WWOX: variants seen among roughly 807,000 people sequenced by gnomAD.
WWOX encodes WW domain-containing oxidoreductase.
A neutral mutation model predicts 46.2 loss-of-function variants in WWOX; 69 were observed. That is an observed-to-expected ratio of 1.49 (90% confidence interval 1.23 to 1.82). The LOEUF is 1.82. WWOX is among the 40% of genes most tolerant of loss of function. The probability of loss-of-function intolerance (pLI) is 0.00; values close to 1 mark genes in which losing one functional copy is unlikely to be tolerated. For synonymous variants in WWOX, 359 were observed against 202.6 expected (o/e 1.77, Z -6.56); for missense variants, 919 against 542.6 (o/e 1.69, Z -6.89).
intron 8 of WWOX, among the ~76,000 whole-genome samples, chr16:78,609,469 TAAAAA>T (rs1365465660): frequency 6.7e-6 from 1 of 149,406 alleles, no homozygotes; most frequent in East Asian, 1.9e-4. Flanking sequence ...GCATGTGACT[TAAAAA>T]AGAAAAAAAA....
At chr16:78,365,784 C>A (rs922096978) in intron 5 of WWOX, among the ~76,000 whole-genome samples, 12 of 152,152 alleles carry the variant, frequency 7.9e-5, no homozygotes, top group Admixed American at 1.3e-4. Context: ...GCGTGCCCCT[C>A]CTCTATGGCT....
At chr16:78,503,648 G>C (rs1348530908) in intron 8 of WWOX, 1 of 152,098 alleles carries the variant, frequency 6.6e-6, no homozygotes, top group Admixed American at 6.6e-5. Context: ...ATATTCACAA[G>C]GTGCAAACAC....
At chr16:78,265,922 T>C (rs1351996089) in intron 5 of WWOX, 1 of 152,190 alleles carries the variant, frequency 6.6e-6, no homozygotes, top group Non-Finnish European at 1.5e-5. Flanking sequence ...CAAAACACAT[T>C]GATGAAGTGG....
intron 8 of WWOX, among the ~76,000 whole-genome samples, chr16:78,849,855 C>T (rs2052397817): frequency 6.6e-6 from 1 of 152,146 alleles, no homozygotes; most frequent in Admixed American, 6.5e-5. Flanking sequence ...GTCAGATCAC[C>T]TAAGGTTGGG....
intron 5 of WWOX, among the ~76,000 whole-genome samples, chr16:78,379,022 C>T (rs1022721262): frequency 2.0e-5 from 3 of 152,146 alleles, no homozygotes; most frequent in Admixed American, 6.5e-5. Context: ...GTTGGCAACA[C>T]GTATCTGTGT....
intron 8 of WWOX, among the ~76,000 whole-genome samples, chr16:78,726,120 CCT>C (rs1334368869): frequency 7.3e-6 from 1 of 137,578 alleles, no homozygotes; most frequent in Non-Finnish European, 1.6e-5. Flanking sequence ...TCTCTGCCTC[CCT>C]CTCTCCCTCT....
chr16:78,718,935 C>T (rs115805048), intron 8 of WWOX, among the ~76,000 whole-genome samples: 374 of 152,004 alleles, frequency 2.5e-3, no homozygotes, highest in African/African-American at 8.5e-3. Context: ...GCATCTGGGG[C>T]TCTCTTGAAA....
At chr16:78,757,078 C>T (rs1457530006) in intron 8 of WWOX, 4 of 700,056 alleles carry the variant, frequency 5.7e-6, no homozygotes, top group Non-Finnish European at 1.0e-5. Context: ...TGATTGCAGC[C>T]TTTGCTGCAA....
chr16:78,481,467 A>G (rs1009515570), intron 8 of WWOX, among the ~76,000 whole-genome samples: 2 of 152,092 alleles, frequency 1.3e-5, no homozygotes, highest in African/African-American at 4.8e-5. Context: ...CATGGCATAG[A>G]TGCTGAAGTT....
chr16:78,378,465 A>T (rs917083708), intron 5 of WWOX, among the ~76,000 whole-genome samples: 1 of 152,180 alleles, frequency 6.6e-6, no homozygotes, highest in Non-Finnish European at 1.5e-5. Flanking sequence ...TGAAGATGCG[A>T]TCACCCATTG....
chr16:78,378,520 T>C (rs757973830), intron 5 of WWOX, among the ~76,000 whole-genome samples: 8 of 152,218 alleles, frequency 5.3e-5, no homozygotes, highest in African/African-American at 1.7e-4. Context: ...ATTAGTGTTA[T>C]GAAGTCCCAC....
At chr16:78,448,633 C>G (rs572071051) in intron 8 of WWOX, among the ~76,000 whole-genome samples, 2 of 152,164 alleles carry the variant, frequency 1.3e-5, no homozygotes, top group Non-Finnish European at 2.9e-5. Context: ...CTCACAAATT[C>G]ACAAATCAGC....
At chr16:78,880,180 A>G (rs532986066) in intron 8 of WWOX, among the ~76,000 whole-genome samples, 1 of 152,200 alleles carries the variant, frequency 6.6e-6, no homozygotes, top group Non-Finnish European at 1.5e-5. Flanking sequence ...ATCAGAAAAG[A>G]CAACAGTACC....
At chr16:79,119,224 A>G (rs889461810) in intron 8 of WWOX, among the ~76,000 whole-genome samples, 2 of 152,200 alleles carry the variant, frequency 1.3e-5, no homozygotes, top group African/African-American at 2.4e-5. Flanking sequence ...TATGATAAAC[A>G]AACAAATGGT....
chr16:78,838,906 G>A (rs1191073591), intron 8 of WWOX, among the ~76,000 whole-genome samples: 1 of 152,116 alleles, frequency 6.6e-6, no homozygotes, highest in South Asian at 2.1e-4. Context: ...GACTGGAGAG[G>A]AGTGGGGGGT....
intron 8 of WWOX, chr16:79,017,006 G>A (rs1313988336): frequency 2.0e-5 from 3 of 152,130 alleles, no homozygotes; most frequent in African/African-American, 7.2e-5. Flanking sequence ...GCCCTAGATG[G>A]TATCACCTTC....
intron 8 of WWOX, among the ~76,000 whole-genome samples, chr16:78,620,483 C>G (rs747184634): frequency 6.6e-6 from 1 of 152,180 alleles, no homozygotes; most frequent in Non-Finnish European, 1.5e-5. Context: ...ATAGCTGTAT[C>G]ATTGGCAGAG....
intron 5 of WWOX, among the ~76,000 whole-genome samples, chr16:78,296,423 A>G (rs2079945185): frequency 6.6e-6 from 1 of 151,852 alleles, no homozygotes; most frequent in Non-Finnish European, 1.5e-5. Context: ...AGGTAATTTC[A>G]TGGTTTATAG....
intron 5 of WWOX, among the ~76,000 whole-genome samples, chr16:78,238,711 C>T (rs562392548): frequency 6.6e-6 from 1 of 151,986 alleles, no homozygotes; most frequent in East Asian, 1.9e-4. Context: ...TCTCTACCTC[C>T]CAGGTTCAAG....
Sources: allele counts gnomAD v4.1 joint callset (sites outside exome capture counted in the v4.1 genomes callset), GRCh38; gene constraint gnomAD v4.1.1; transcripts MANE v1.5; gene names NCBI Gene and HGNC (gene_info 2026-07-23, HGNC 2026-07-21).